OSBPL10: variants seen among roughly 807,000 people sequenced by gnomAD.
OSBPL10 encodes the protein oxysterol-binding protein-related protein 10.
OSBPL10 carries 49 observed loss-of-function variants against 81.7 expected under a neutral mutation model. The observed-to-expected ratio is 0.60, with a 90% CI of 0.48 to 0.76. The LOEUF (loss-of-function observed/expected upper bound fraction) is 0.76, where lower values mean the gene tolerates loss of function less well. Among genes scored for constraint, OSBPL10 ranks in the 30% least tolerant of loss-of-function variants. The probability of loss-of-function intolerance (pLI) is 0.00; values close to 1 mark genes in which losing one functional copy is unlikely to be tolerated. For synonymous variants in OSBPL10, 419 were observed against 383.6 expected (o/e 1.09, Z -1.08); for missense variants, 923 against 987.8 (o/e 0.93, Z 0.88).
intron 2 of OSBPL10, among the ~76,000 whole-genome samples, chr3:32,042,560 G>A (rs143689873): frequency 3.3e-5 from 5 of 152,024 alleles, no homozygotes; most frequent in African/African-American, 1.2e-4. Flanking sequence ...GGGGGAACCT[G>A]CCCCCAATAT....
chr3:31,698,822 C>A (rs1474608703), intron 7 of OSBPL10, among the ~76,000 whole-genome samples: 1 of 152,168 alleles, frequency 6.6e-6, no homozygotes, highest in Admixed American at 6.5e-5. Flanking sequence ...TAAGAGGGAC[C>A]CCCGTCCCAC....
At chr3:32,053,501 T>C (rs897008088) in intron 1 of OSBPL10, among the ~76,000 whole-genome samples, 2 of 152,210 alleles carry the variant, frequency 1.3e-5, no homozygotes, top group African/African-American at 4.8e-5. Flanking sequence ...ATCTGCTCTT[T>C]TACAAAAATT....
chr3:32,009,849 C>T (rs1258951449), intron 2 of OSBPL10, among the ~76,000 whole-genome samples: 2 of 152,140 alleles, frequency 1.3e-5, no homozygotes, highest in African/African-American at 2.4e-5. Context: ...GATTTATGAT[C>T]GTGCTTGTCA....
At position 31,769,461 on chromosome 3, in the gene OSBPL10, AAAAAAAAAC is replaced by A. The variant is rs1559456954; in HGVS notation, c.730-21350_730-21342del. Among the ~76,000 whole-genome samples the A allele has an allele frequency of 1.5e-3, 114 of 76,658 alleles. 21 individuals carry two copies. The highest frequency in any genetic ancestry group is 4.3e-3 in the African/African-American group (106 of 24,728). 50.3% of individuals were successfully genotyped at this position (76,658 alleles called of 152,430 possible). On this transcript the variant is annotated intron_variant, in intron 4 of 11. Transcript: ENST00000396556. ...ACTCCATCTCAAAAAAAAAAAAACA[AAAAAAAAAC>A]AAAAAAAAACAGAATAAAAATATAT...
At chr3:31,808,848 T>C (rs577317695) in intron 4 of OSBPL10, among the ~76,000 whole-genome samples, 5 of 152,364 alleles carry the variant, frequency 3.3e-5, no homozygotes, top group East Asian at 1.9e-4. Flanking sequence ...TCTGTTTCAT[T>C]TCCCACTGTA....
At chr3:32,009,316 A>T (rs1390609241) in intron 2 of OSBPL10, among the ~76,000 whole-genome samples, 1 of 152,204 alleles carries the variant, frequency 6.6e-6, no homozygotes. Flanking sequence ...GAAGCTAATG[A>T]ATCAGCCTTC....
intron 4 of OSBPL10, among the ~76,000 whole-genome samples, chr3:31,769,059 A>G (rs1256935683): frequency 2.0e-5 from 3 of 152,126 alleles, no homozygotes; most frequent in Non-Finnish European, 2.9e-5. Context: ...GCCAAGCCCC[A>G]TGGAAAATAA....
At chr3:31,917,113 A>G (rs543392695) in intron 1 of OSBPL10, among the ~76,000 whole-genome samples, 12 of 152,320 alleles carry the variant, frequency 7.9e-5, no homozygotes, top group Admixed American at 2.0e-4. Flanking sequence ...ACACTGGAGA[A>G]TAAGACAAGA....
At chr3:31,934,190 C>T (rs76683250) in intron 1 of OSBPL10, among the ~76,000 whole-genome samples, 7,636 of 147,554 alleles carry the variant, frequency 0.052, 336 homozygotes, top group African/African-American at 0.12. Context: ...AAAAAGGAAG[C>T]CAGGCATGGT....
chr3:32,044,818 C>T (rs1699608700), intron 2 of OSBPL10, among the ~76,000 whole-genome samples: 2 of 146,080 alleles, frequency 1.4e-5, no homozygotes. Flanking sequence ...TAGGAATAAA[C>T]TTGTATAATG....
intron 2 of OSBPL10, among the ~76,000 whole-genome samples, chr3:31,995,515 A>C (rs1334649220): frequency 6.6e-6 from 1 of 152,076 alleles, no homozygotes; most frequent in African/African-American, 2.4e-5. Context: ...TGTTCCCTAA[A>C]ATCGCTGTTA....
chr3:31,894,271 A>C (rs1310811195), intron 1 of OSBPL10, among the ~76,000 whole-genome samples: 1 of 152,226 alleles, frequency 6.6e-6, no homozygotes, highest in Non-Finnish European at 1.5e-5. Flanking sequence ...CCACAGGCAT[A>C]GATGAGATTG....
At chr3:31,970,363 C>T (rs565663997) in intron 1 of OSBPL10, among the ~76,000 whole-genome samples, 4 of 152,286 alleles carry the variant, frequency 2.6e-5, no homozygotes, top group African/African-American at 9.6e-5. Context: ...AGGTTCAAGA[C>T]GGCTGCTGAA....
chr3:31,997,913 GAGT>G (rs1699107437), intron 2 of OSBPL10, among the ~76,000 whole-genome samples: 1 of 151,966 alleles, frequency 6.6e-6, no homozygotes. Context: ...TTAGCCTCCC[GAGT>G]AGCTGGGACT....
At chr3:31,995,537 T>C (rs549689694) in intron 2 of OSBPL10, among the ~76,000 whole-genome samples, 33 of 152,322 alleles carry the variant, frequency 2.2e-4, no homozygotes, top group African/African-American at 7.2e-4. Flanking sequence ...TCTGTTCTTT[T>C]TCAAGGTGCA....
chr3:31,944,940 C>G (rs928894533), intron 1 of OSBPL10, among the ~76,000 whole-genome samples: 1 of 145,696 alleles, frequency 6.9e-6, no homozygotes, highest in African/African-American at 2.5e-5. Context: ...ATCCTGAGGT[C>G]AAGAGATTGA....
At chr3:31,697,722 A>G (rs566825498) in intron 7 of OSBPL10, among the ~76,000 whole-genome samples, 25 of 151,808 alleles carry the variant, frequency 1.6e-4, no homozygotes, top group African/African-American at 5.6e-4. Flanking sequence ...AGCCACTAGC[A>G]CTGTGCCACC....
At chr3:31,852,454 G>A (rs1012804917) in intron 3 of OSBPL10, among the ~76,000 whole-genome samples, 10 of 152,188 alleles carry the variant, frequency 6.6e-5, no homozygotes, top group Non-Finnish European at 1.5e-4. Flanking sequence ...GGGATGAGGT[G>A]ATGCACGTGA....
intron 2 of OSBPL10, chr3:31,990,931 G>T: frequency 6.3e-7 from 1 of 1,574,836 alleles, no homozygotes; most frequent in Non-Finnish European, 8.6e-7. Flanking sequence ...AATCCATACC[G>T]GACAGAAATC....
Sources: gnomAD v4.1 joint callset for allele counts (sites outside exome capture counted in the v4.1 genomes callset) on GRCh38, gnomAD v4.1.1 for gene constraint, MANE v1.5 for transcripts, NCBI Gene and HGNC (gene_info 2026-07-23, HGNC 2026-07-21) for gene names.